The following SGCZ variants were observed in gnomAD, a reference collection of about 807,000 sequenced individuals.
SGCZ encodes the protein sarcoglycan zeta, also known as zeta-sarcoglycan.
Under a neutral mutation model 41.3 loss-of-function variants are expected in SGCZ, and 40 were observed. That is an observed-to-expected ratio of 0.97 (90% CI 0.75 to 1.26). The LOEUF is 1.26. Ranked by LOEUF, SGCZ falls within the 50% of genes most tolerant of loss-of-function variation. The pLI is 0.00. For synonymous variants in SGCZ, 206 were observed against 137.5 expected (o/e 1.50, Z -3.49); for missense variants, 552 against 369.8 (o/e 1.49, Z -4.04).
At chr8:14,454,083 C>G (rs117500410) in intron 2 of SGCZ, among the ~76,000 whole-genome samples, 1 of 152,044 alleles carries the variant, frequency 6.6e-6, no homozygotes, top group Non-Finnish European at 1.5e-5. Flanking sequence ...CGATGACGTC[C>G]GCAGCAAGAA....
intron 1 of SGCZ, among the ~76,000 whole-genome samples, chr8:14,808,162 T>G (rs1264620990): frequency 6.6e-6 from 1 of 152,186 alleles, no homozygotes; most frequent in Non-Finnish European, 1.5e-5. Context: ...ATTCAGGACA[T>G]AGGCATGGGC....
rs566031171 is a variant in SGCZ, at chr8:14,137,571, G to C, written c.547+27009C>G. Among the ~76,000 whole-genome samples the C allele has an allele frequency of 2.8e-4, 43 of 152,258 alleles. No individual in the cohort carries two copies. In the Middle Eastern group the frequency reaches 0.01, roughly 36 times the overall value. ...AGATGATTCAATCAAGTGGAAAAAA[G>C]GGTATCAGTGATTGAAAACCAAATA... On this transcript the variant is annotated intron_variant, in intron 5 of 7. Coordinates refer to ENST00000382080, the MANE Select transcript of SGCZ (RefSeq NM_139167.4).
intron 1 of SGCZ, among the ~76,000 whole-genome samples, chr8:15,147,429 C>T (rs930006581): frequency 6.6e-6 from 1 of 152,144 alleles, no homozygotes; most frequent in Non-Finnish European, 1.5e-5. Context: ...CAGGCATGCA[C>T]CACCATGCCC....
chr8:14,627,925 A>T (rs1252024546), intron 1 of SGCZ, among the ~76,000 whole-genome samples: 1 of 152,088 alleles, frequency 6.6e-6, no homozygotes, highest in Non-Finnish European at 1.5e-5. Flanking sequence ...TAATTCCTTT[A>T]TTGTATAATT....
intron 3 of SGCZ, among the ~76,000 whole-genome samples, chr8:14,276,317 T>C (rs1440440725): frequency 6.6e-6 from 1 of 152,186 alleles, no homozygotes; most frequent in African/African-American, 2.4e-5. Flanking sequence ...TCACAGCTTC[T>C]TAGGGATCTT....
chr8:14,794,670 G>A (rs974132374), intron 1 of SGCZ, among the ~76,000 whole-genome samples: 2 of 152,130 alleles, frequency 1.3e-5, no homozygotes, highest in Non-Finnish European at 2.9e-5. Context: ...AGACTGAAAG[G>A]TATAGGGTCC....
chr8:15,073,813 G>A (rs149450212), intron 1 of SGCZ, among the ~76,000 whole-genome samples: 1 of 152,142 alleles, frequency 6.6e-6, no homozygotes, highest in African/African-American at 2.4e-5. Flanking sequence ...CTCCCTCTGA[G>A]AATGAGAGTT....
At chr8:14,182,946 G>A (rs1369028404) in intron 4 of SGCZ, among the ~76,000 whole-genome samples, 1 of 150,328 alleles carries the variant, frequency 6.7e-6, no homozygotes, top group Non-Finnish European at 1.5e-5. Context: ...GGAGGCAGAG[G>A]TTGCAGTGAG....
chr8:14,420,950 A>G (rs1270586062), intron 2 of SGCZ, among the ~76,000 whole-genome samples: 1 of 152,136 alleles, frequency 6.6e-6, no homozygotes, highest in Non-Finnish European at 1.5e-5. Context: ...TCTCCACTTT[A>G]CAATATGTCT....
chr8:14,427,704 A>G (rs1395272437), intron 2 of SGCZ, among the ~76,000 whole-genome samples: 1 of 152,132 alleles, frequency 6.6e-6, no homozygotes, highest in Non-Finnish European at 1.5e-5. Context: ...CAATCTCCCT[A>G]TTAGCAGGTA....
chr8:14,878,450 G>T (rs1434665083), intron 1 of SGCZ, among the ~76,000 whole-genome samples: 1 of 152,088 alleles, frequency 6.6e-6, no homozygotes, highest in East Asian at 1.9e-4. Flanking sequence ...CTGATCTAGT[G>T]GGGGAAATAA....
intron 1 of SGCZ, among the ~76,000 whole-genome samples, chr8:15,076,751 C>CTCATTTT (rs1805546550): frequency 7.2e-6 from 1 of 138,506 alleles, no homozygotes; most frequent in South Asian, 2.2e-4. Flanking sequence ...ATAAGTCTCT[C>CTCATTTT]TCATTTTTTT....
chr8:14,850,366 G>A lies in SGCZ; in HGVS notation c.40-295440C>T, dbSNP rs188844237. ...GAGAGAAGGAGGTAAAGAAACATTA[G>A]CATACAGTATTGCATACACAATACT... On this transcript the variant is annotated intron_variant, in intron 1 of 7. Transcript: ENST00000382080. Among the ~76,000 whole-genome samples the A allele has an allele frequency of 7.8e-4, 118 of 152,244 alleles. 2 individuals are homozygous for A. The East Asian group carries it at 0.019, about 25-fold the overall frequency.
At chr8:14,390,939 C>T (rs1474543983) in intron 2 of SGCZ, among the ~76,000 whole-genome samples, 1 of 152,004 alleles carries the variant, frequency 6.6e-6, no homozygotes, top group Non-Finnish European at 1.5e-5. Context: ...TTTACACGTT[C>T]ATTTAAGAAG....
chr8:14,129,774 T>C (rs1474571379), intron 5 of SGCZ, among the ~76,000 whole-genome samples: 2 of 150,872 alleles, frequency 1.3e-5, no homozygotes, highest in African/African-American at 2.4e-5. Context: ...AGGAATAAAT[T>C]TGACAAAAAA....
chr8:14,433,184 G>A (rs1671521884), intron 2 of SGCZ, among the ~76,000 whole-genome samples: 1 of 152,060 alleles, frequency 6.6e-6, no homozygotes, highest in South Asian at 2.1e-4. Flanking sequence ...ATTTTATTGG[G>A]AAATGCTACC....
intron 1 of SGCZ, among the ~76,000 whole-genome samples, chr8:15,033,555 C>T (rs1477455986): frequency 1.3e-5 from 2 of 152,120 alleles, no homozygotes; most frequent in Admixed American, 6.6e-5. Context: ...AAGTTCCAGA[C>T]AAGCTCCTGT....
At chr8:14,519,388 C>G (rs1175727800) in intron 2 of SGCZ, among the ~76,000 whole-genome samples, 2 of 151,964 alleles carry the variant, frequency 1.3e-5, no homozygotes, top group East Asian at 1.9e-4. Flanking sequence ...GGAAAAGTTT[C>G]CTTGGCATGA....
At chr8:14,822,087 C>A (rs2130571519) in intron 1 of SGCZ, among the ~76,000 whole-genome samples, 1 of 151,846 alleles carries the variant, frequency 6.6e-6, no homozygotes, top group East Asian at 1.9e-4. Context: ...CACACACACA[C>A]ACACACACAC....
Sources: gnomAD v4.1 joint callset for allele counts (sites outside exome capture counted in the v4.1 genomes callset) on GRCh38, gnomAD v4.1.1 for gene constraint, MANE v1.5 for transcripts, NCBI Gene and HGNC (gene_info 2026-07-23, HGNC 2026-07-21) for gene names.